Variants in SCAMP1 observed in about 807,000 individuals in gnomAD.
SCAMP1 encodes the protein secretory carrier-associated membrane protein 1.
Under a neutral mutation model 41.8 loss-of-function variants are expected in SCAMP1, and 15 were observed. The observed-to-expected ratio is 0.36, with a 90% CI of 0.24 to 0.55. SCAMP1 has a LOEUF of 0.55. Among genes scored for constraint, SCAMP1 ranks in the 20% least tolerant of loss-of-function variants. SCAMP1 has a pLI of 0.86. For synonymous variants in SCAMP1, 135 were observed against 136.8 expected (o/e 0.99, Z 0.09); for missense variants, 341 against 412.6 (o/e 0.83, Z 1.50).
At chr5:78,407,139 G>A (rs1227627085) in intron 2 of SCAMP1, among the ~76,000 whole-genome samples, 5 of 152,186 alleles carry the variant, frequency 3.3e-5, no homozygotes, top group Non-Finnish European at 1.5e-5. Context: ...ATACTATGGA[G>A]TGCCCAGTGA....
intron 1 of SCAMP1, among the ~76,000 whole-genome samples, chr5:78,367,189 A>G (rs1317155522): frequency 1.3e-5 from 2 of 152,142 alleles, no homozygotes; most frequent in Non-Finnish European, 2.9e-5. Context: ...GTTATATTTC[A>G]TCAACTTAAG....
intron 6 of SCAMP1, among the ~76,000 whole-genome samples, chr5:78,435,998 G>T (rs1458348681): frequency 6.6e-6 from 1 of 152,120 alleles, no homozygotes; most frequent in Non-Finnish European, 1.5e-5. Flanking sequence ...ATTTTTTCAT[G>T]TATCTTTTGG....
chr5:78,363,700 C>T (rs949220454), intron 1 of SCAMP1, among the ~76,000 whole-genome samples: 35 of 152,138 alleles, frequency 2.3e-4, no homozygotes, highest in African/African-American at 7.5e-4. Flanking sequence ...CAAGCATCTT[C>T]GTTTGTGCCG....
At chr5:78,368,196 G>A (rs895924030) in intron 1 of SCAMP1, among the ~76,000 whole-genome samples, 3 of 152,114 alleles carry the variant, frequency 2.0e-5, no homozygotes, top group Non-Finnish European at 4.4e-5. Context: ...TGAAGTGTCC[G>A]TTGCCATGGT....
intron 1 of SCAMP1, 138 bp downstream of exon 1, chr5:78,360,866 C>T (rs1031821983): frequency 4.9e-6 from 4 of 812,366 alleles, no homozygotes; most frequent in Non-Finnish European, 7.8e-6. Context: ...CGCCGTCCTC[C>T]ATTTGGGGTC....
In SCAMP1 at chr5:78,430,178, CAGTA is replaced by C. The variant is rs1298553556; in HGVS notation, c.632+8219_632+8222del. Among the ~76,000 whole-genome samples, 72 of 47,066 alleles carry C rather than the reference CAGTA, an allele frequency of 1.5e-3. 5 individuals carry two copies. Among genetic ancestry groups the C allele is most frequent in the African/African-American group, 6.0e-3 (69 of 11,542 alleles). The allele number at this position is 47,066 out of a possible 152,430, so 30.9% of individuals were successfully genotyped here. The stretch of plus-strand genomic sequence containing the variant: ...TAAATACAGTATTTATTTATAAATA[CAGTA>C]TTTATTTATAAATACAGTATTTATT... On this transcript the variant is annotated intron_variant, in intron 6 of 8. Coordinates refer to ENST00000621999, the MANE Select transcript of SCAMP1 (RefSeq NM_004866.6).
intron 1 of SCAMP1, among the ~76,000 whole-genome samples, chr5:78,387,279 A>G (rs1051844318): frequency 2.9e-5 from 4 of 137,824 alleles, no homozygotes; most frequent in African/African-American, 6.8e-5. Context: ...TCATTTCTCT[A>G]AGTGTGTCCT....
At chr5:78,426,098 T>A (rs1752463416) in intron 6 of SCAMP1, among the ~76,000 whole-genome samples, 1 of 152,178 alleles carries the variant, frequency 6.6e-6, no homozygotes, top group Non-Finnish European at 1.5e-5. Flanking sequence ...TCCAGATTCC[T>A]CCATGTCCCT....
In SCAMP1 at chr5:78,475,677, A is replaced by G. The variant is rs778405524; in HGVS notation, c.*9A>G. ...AGGGTAACCAGATTTAAGAATCTTC[A>G]AACAATACACTGTTACCTTTTGACT... is the stretch of plus-strand genomic sequence containing the variant. On this transcript the variant is annotated 3_prime_UTR_variant, in exon 9 of 9. Coordinates refer to ENST00000621999, the MANE Select transcript of SCAMP1 (RefSeq NM_004866.6). 5 of 1,518,068 alleles carry G rather than the reference A, an allele frequency of 3.3e-6. No homozygotes were observed. The highest frequency in any genetic ancestry group is 2.6e-6 in the Non-Finnish European group (3 of 1,133,850). The allele number at this position is 1,518,068 out of a possible 1,614,324, so 94.0% of individuals were successfully genotyped here. A position where few individuals can be genotyped will look rare whatever the true frequency, so the allele number is the denominator to read the frequency against.
intron 2 of SCAMP1, among the ~76,000 whole-genome samples, chr5:78,410,405 T>C (rs934926835): frequency 6.6e-6 from 1 of 152,166 alleles, no homozygotes; most frequent in African/African-American, 2.4e-5. Flanking sequence ...TGTTTGGTTT[T>C]CTGTTCCTGC....
At chr5:78,394,363 G>T (rs982574428) in intron 2 of SCAMP1, among the ~76,000 whole-genome samples, 2 of 151,794 alleles carry the variant, frequency 1.3e-5, no homozygotes, top group African/African-American at 4.8e-5. Context: ...TTACAATGAA[G>T]GCAGGGAGGA....
chr5:78,457,847 C>G (rs377092452), intron 7 of SCAMP1: 1 of 158,004 alleles, frequency 6.3e-6, no homozygotes, highest in Non-Finnish European at 1.4e-5. Context: ...ACTCCGTGGG[C>G]GTAGGACCCT....
rs368262123 is a variant in SCAMP1 at position 78,448,171 on chromosome 5, C to T, written c.633-1762C>T. 6.3e-4 allele frequency among the ~76,000 whole-genome samples: 65 copies of T among 103,682 alleles called. 2 individuals are homozygous for T. In the South Asian group the frequency reaches 0.023, roughly 36 times the overall value. 68.0% of individuals were successfully genotyped at this position (103,682 alleles called of 152,430 possible). ...CTTCTTCCTCCTTCTCCTCCTCCTC[C>T]TCTTCCTCTTCCCTTTTGTTTTTTT... On this transcript the variant is annotated intron_variant, in intron 6 of 8. Transcript: ENST00000621999.
intron 8 of SCAMP1, among the ~76,000 whole-genome samples, chr5:78,469,890 T>TAAAAAAAAAAAAAA (rs141989832): frequency 1.3e-4 from 2 of 15,018 alleles, no homozygotes; most frequent in Admixed American, 1.1e-3. Context: ...TACAAGACAT[T>TAAAAAAAAAAAAAA]AAAAAAAAAA....
chr5:78,396,256 G>T (rs1451328029), intron 2 of SCAMP1, among the ~76,000 whole-genome samples: 1 of 152,190 alleles, frequency 6.6e-6, no homozygotes, highest in Non-Finnish European at 1.5e-5. Context: ...GGATTTGGGT[G>T]ATGATGATGT....
intron 1 of SCAMP1, among the ~76,000 whole-genome samples, chr5:78,364,529 G>C (rs1750745389): frequency 6.6e-6 from 1 of 152,274 alleles, no homozygotes; most frequent in Non-Finnish European, 1.5e-5. Context: ...TTGTGCCCAT[G>C]TGTAGGTAGT....
chr5:78,460,697 C>CTCTT (rs59899496), intron 8 of SCAMP1, among the ~76,000 whole-genome samples: 64,740 of 144,114 alleles, frequency 0.45, 15,985 homozygotes, highest in Non-Finnish European at 0.5. Flanking sequence ...TGTAGATTGT[C>CTCTT]TCTTTACTCT....
chr5:78,393,621 T>G (rs1418830227), intron 2 of SCAMP1, among the ~76,000 whole-genome samples: 8 of 152,220 alleles, frequency 5.3e-5, no homozygotes, highest in African/African-American at 1.9e-4. Context: ...TGAATTGAGA[T>G]GTACTATAAA....
At chr5:78,440,996 G>T (rs1458170850) in intron 6 of SCAMP1, among the ~76,000 whole-genome samples, 1 of 152,216 alleles carries the variant, frequency 6.6e-6, no homozygotes, top group Non-Finnish European at 1.5e-5. Flanking sequence ...GTGGGCGTGG[G>T]ACCCTCCGAG....
Sources: gnomAD v4.1 joint callset for allele counts (sites outside exome capture counted in the v4.1 genomes callset) on GRCh38, gnomAD v4.1.1 for gene constraint, MANE v1.5 for transcripts, NCBI Gene and HGNC (gene_info 2026-07-23, HGNC 2026-07-21) for gene names.